Variants in CPEB3 observed in about 807,000 individuals in gnomAD.
The protein encoded by CPEB3 is cytoplasmic polyadenylation element-binding protein 3.
Under a neutral mutation model 67.2 loss-of-function variants are expected in CPEB3, and 20 were observed. That is an observed-to-expected ratio of 0.30 (90% confidence interval 0.21 to 0.43). The LOEUF (loss-of-function observed/expected upper bound fraction) is 0.43. CPEB3 is among the 20% of genes least tolerant of loss of function. The probability of loss-of-function intolerance (pLI) is 1.00; values close to 1 mark genes in which losing one functional copy is unlikely to be tolerated. For synonymous variants in CPEB3, 376 were observed against 393.1 expected (o/e 0.96, Z 0.51); for missense variants, 746 against 968.6 (o/e 0.77, Z 3.05).
chr10:92,209,168 G>A (rs1849945147), intron 2 of CPEB3, among the ~76,000 whole-genome samples: 1 of 152,104 alleles, frequency 6.6e-6, no homozygotes, highest in African/African-American at 2.4e-5. Flanking sequence ...TAATAAAGCT[G>A]TTATTTAAAA....
chr10:92,239,794 G>C lies in CPEB3; in HGVS notation c.557C>G (p.Pro186Arg). 2.1e-6 allele frequency: 3 copies of C among 1,412,770 alleles called. No individual in the cohort carries two copies. The highest frequency in any genetic ancestry group is 2.8e-6 in the Non-Finnish European group (3 of 1,090,018). 87.5% of individuals were successfully genotyped at this position (1,412,770 alleles called of 1,614,324 possible). ...GGCGGGTGAGCGGCGCTGCTGCGGGGGCTGCGCCTGTGGTGGCTGCGCTGG... is the reference window on the plus strand; with the variant it reads ...GGCGGGTGAGCGGCGCTGCTGCGGGCGCTGCGCCTGTGGTGGCTGCGCTGG... Reference protein sequence around the residue: ...AQPAQPPQAQPPQQRRSPASP... With the variant: ...AQPAQPPQAQRPQQRRSPASP... The change falls in exon 2 of 10, where the codon CCC becomes CGC. Residue 186 changes from proline to arginine, a missense_variant. Physicochemically the swap from Pro to Arg is moderately radical, Grantham distance 103. Transcript: ENST00000265997. This position sits in a 1 kb window ranked among gnomAD's most constrained non-coding sequence, Gnocchi z 6.0.
At chr10:92,251,389 T>C (rs1454118887) in intron 1 of CPEB3, among the ~76,000 whole-genome samples, 1 of 149,624 alleles carries the variant, frequency 6.7e-6, no homozygotes, top group Non-Finnish European at 1.5e-5. Context: ...TTCTCTCCTC[T>C]TCTCTCTCTC....
intron 1 of CPEB3, among the ~76,000 whole-genome samples, chr10:92,273,668 T>C (rs1199929522): frequency 6.6e-6 from 1 of 152,164 alleles, no homozygotes; most frequent in Non-Finnish European, 1.5e-5. Flanking sequence ...ACAATAAAAT[T>C]TCACTTCACA....
At chr10:92,255,611 C>T (rs1165029592) in intron 1 of CPEB3, among the ~76,000 whole-genome samples, 1 of 152,194 alleles carries the variant, frequency 6.6e-6, no homozygotes, top group Non-Finnish European at 1.5e-5. Context: ...CTCCGCAGGG[C>T]CACCATCTTG....
chr10:92,160,957 T>G (rs1847444518), intron 4 of CPEB3, among the ~76,000 whole-genome samples: 1 of 152,174 alleles, frequency 6.6e-6, no homozygotes, highest in Non-Finnish European at 1.5e-5. Context: ...TGGCAAGATC[T>G]CTGCTCACCG....
At chr10:92,094,808 G>GACACACACACAC (rs10654734) in intron 7 of CPEB3, among the ~76,000 whole-genome samples, 1 of 145,732 alleles carries the variant, frequency 6.9e-6, no homozygotes, top group Non-Finnish European at 1.5e-5. Flanking sequence ...AGATTCTAAT[G>GACACACACACAC]ACACACACAC....
intron 1 of CPEB3, among the ~76,000 whole-genome samples, chr10:92,269,774 T>A (rs1269001309): frequency 1.3e-5 from 2 of 152,206 alleles, no homozygotes; most frequent in South Asian, 2.1e-4. Context: ...GCCAGGCTAG[T>A]CTTGAACTCC....
At chr10:92,231,863 G>A (rs936588908) in intron 2 of CPEB3, among the ~76,000 whole-genome samples, 4 of 151,860 alleles carry the variant, frequency 2.6e-5, no homozygotes, top group Non-Finnish European at 1.5e-5. Context: ...GCAATTACAA[G>A]AGCCCGCCAC....
At chr10:92,289,732 A>AAAAAAAAAAAAATATATATAT in intron 1 of CPEB3, among the ~76,000 whole-genome samples, 1 of 75,772 alleles carries the variant, frequency 1.3e-5, no homozygotes, top group African/African-American at 5.1e-5. Flanking sequence ...AAAAAAAAAA[A>AAAAAAAAAAAAATATATATAT]ATATATATAT....
At chr10:92,110,435 C>T (rs143144423) in intron 7 of CPEB3, among the ~76,000 whole-genome samples, 1 of 152,346 alleles carries the variant, frequency 6.6e-6, no homozygotes, top group Middle Eastern at 3.4e-3. Flanking sequence ...TGCCCCTTCT[C>T]CACTGATAGC....
At chr10:92,244,540 C>T (rs1477579108) in intron 1 of CPEB3, among the ~76,000 whole-genome samples, 2 of 151,156 alleles carry the variant, frequency 1.3e-5, no homozygotes, top group Admixed American at 1.3e-4. Context: ...TGGGTTCAAG[C>T]GATTCTCCTG....
chr10:92,087,456 G>T (rs571805541), intron 8 of CPEB3, among the ~76,000 whole-genome samples: 3 of 152,186 alleles, frequency 2.0e-5, no homozygotes, highest in African/African-American at 7.2e-5. Context: ...TGATCTGTTT[G>T]CAGGGCCTAA....
chr10:92,127,413 C>T (rs764581195), intron 6 of CPEB3, among the ~76,000 whole-genome samples: 2 of 152,102 alleles, frequency 1.3e-5, no homozygotes, highest in Non-Finnish European at 2.9e-5. Context: ...TGGTGGCTCA[C>T]GACTGTAAAT....
chr10:92,289,167 C>A (rs1048899240), intron 1 of CPEB3, among the ~76,000 whole-genome samples: 2 of 152,110 alleles, frequency 1.3e-5, no homozygotes, highest in African/African-American at 4.8e-5. Flanking sequence ...CACCTGAACC[C>A]GGAGGAGGAG....
intron 3 of CPEB3, among the ~76,000 whole-genome samples, chr10:92,190,665 C>CAAAAAAAAAAAAAAAAAAAAAA (rs780757034): frequency 2.6e-5 from 2 of 78,396 alleles, no homozygotes; most frequent in African/African-American, 5.2e-5. Context: ...AACTCCATCT[C>CAAAAAAAAAAAAAAAAAAAAAA]AAAAAAAAAA....
chr10:92,060,829 GT>G (rs1355943887), intron 9 of CPEB3, among the ~76,000 whole-genome samples: 4 of 152,168 alleles, frequency 2.6e-5, no homozygotes, highest in Non-Finnish European at 4.4e-5. Context: ...TCTCACCTCA[GT>G]TAAAATGGTT....
At chr10:92,291,211 C>T (rs906212848), upstream of CPEB3, 2 of 517,016 alleles carry the variant, frequency 3.9e-6, no homozygotes, top group East Asian at 3.6e-5. Flanking sequence ...TCGGCGCCCG[C>T]GGTCCATGGA....
intron 4 of CPEB3, among the ~76,000 whole-genome samples, chr10:92,169,076 G>A (rs545388005): frequency 2.0e-5 from 3 of 151,274 alleles, no homozygotes; most frequent in South Asian, 2.1e-4. Context: ...GATCACAGGC[G>A]TGAGCTAACC....
intron 2 of CPEB3, among the ~76,000 whole-genome samples, chr10:92,193,943 C>T (rs1395315868): frequency 6.6e-6 from 1 of 151,448 alleles, no homozygotes; most frequent in Non-Finnish European, 1.5e-5. Flanking sequence ...ACTACAGGCA[C>T]CCGCCACCAT....
Sources: gnomAD v4.1 joint callset for allele counts (sites outside exome capture counted in the v4.1 genomes callset) on GRCh38, gnomAD v4.1.1 for gene constraint, Gnocchi (gnomAD v3.1) non-coding constraint, MANE v1.5 for transcripts, NCBI Gene and HGNC (gene_info 2026-07-23, HGNC 2026-07-21) for gene names.